SYNJ2: variants seen among roughly 807,000 people sequenced by gnomAD.
SYNJ2 encodes polyphosphatidylinositol phosphatase SYNJ2.
A neutral mutation model predicts 141.3 loss-of-function variants in SYNJ2; 116 were observed. That is an observed-to-expected ratio of 0.82 (90% CI 0.71 to 0.96). The LOEUF is 0.96. Ranked by LOEUF, SYNJ2 falls within the 40% of genes least tolerant of loss-of-function variation. SYNJ2 has a pLI of 0.00. For synonymous variants in SYNJ2, 745 were observed against 777.7 expected (o/e 0.96, Z 0.70); for missense variants, 1,873 against 1,934.8 (o/e 0.97, Z 0.60).
chr6:158,054,538 C>T (rs1780761480), intron 5 of SYNJ2, among the ~76,000 whole-genome samples: 1 of 152,170 alleles, frequency 6.6e-6, no homozygotes, highest in Non-Finnish European at 1.5e-5. Context: ...CAAATTTGAT[C>T]ATTAGGATGA....
intron 9 of SYNJ2, 144 bp from the exon 10 acceptor site, chr6:158,064,457 G>A (rs1185224737): frequency 3.4e-5 from 35 of 1,017,320 alleles, no homozygotes; most frequent in Non-Finnish European, 4.7e-5. Context: ...TCTCTGCTGT[G>A]GGAACTCCTC....
intron 12 of SYNJ2, 159 bp downstream of exon 12, chr6:158,066,794 T>C (rs1781595824): frequency 2.4e-6 from 2 of 823,732 alleles, no homozygotes; most frequent in Admixed American, 4.9e-5. Context: ...TCAAGAATGC[T>C]GCCTCGCAAG....
chr6:158,027,240 A>G lies in SYNJ2; in HGVS notation c.215-1516A>G. 2.1e-6 allele frequency: 2 copies of G among 971,428 alleles called. No individual in the cohort carries two copies. The highest frequency in any genetic ancestry group is 2.4e-6 in the Non-Finnish European group (2 of 817,252). 60.2% of individuals were successfully genotyped at this position (971,428 alleles called of 1,614,324 possible). ...TCTTCCTGGAGTGTGGAGAGATCAG[A>G]ACCATCTCCAGACCATGGCTGTAGA... is the stretch of plus-strand genomic sequence containing the variant. On this transcript the variant is annotated intron_variant, in intron 2 of 26. Coordinates refer to ENST00000355585, the MANE Select transcript of SYNJ2 (RefSeq NM_003898.4). The surrounding 1 kb of genome is among the most constrained non-coding windows in gnomAD (Gnocchi z 4.6).
chr6:157,984,674 G>T (rs1777132907), intron 1 of SYNJ2, among the ~76,000 whole-genome samples: 1 of 152,224 alleles, frequency 6.6e-6, no homozygotes, highest in East Asian at 1.9e-4. Context: ...AAAGTGCTAG[G>T]ATTACAGGCG....
At chr6:158,037,183 G>A (rs1334168532) in intron 4 of SYNJ2, among the ~76,000 whole-genome samples, 2 of 152,122 alleles carry the variant, frequency 1.3e-5, no homozygotes, top group Non-Finnish European at 2.9e-5. Flanking sequence ...CTGGAAGTCT[G>A]CAATCCAGGT....
chr6:158,053,766 C>T (rs190494807), intron 5 of SYNJ2, among the ~76,000 whole-genome samples: 1 of 151,408 alleles, frequency 6.6e-6, no homozygotes, highest in East Asian at 2.0e-4. Flanking sequence ...TCCATGCACC[C>T]ACCCATCCAC....
Position 158,095,800 on chromosome 6 carries a change from C to T in SYNJ2, c.3927C>T (p.Asp1309=), listed in dbSNP as rs751362219. 22 of 1,614,064 alleles carry T rather than the reference C, an allele frequency of 1.4e-5. No individual in the cohort carries two copies. Among genetic ancestry groups the T allele is most frequent in the Middle Eastern group, 3.3e-4 (2 of 6,084 alleles). Residue 1309 remains aspartate, a synonymous_variant, in exon 27 of 27, where the codon GAC becomes GAT. Transcript: ENST00000355585. ...CAAGCCACAGGAAGCCAGCATCAGA[C>T]GAAGCCCCTCCTGGGGCAGGAGCCT... The part of the protein sequence containing the change: ...ERPSHRKPAS[D]EAPPGAGASV...
rs1780783624 is a variant in SYNJ2, at chr6:158,054,974, C to T, written c.803C>T (p.Ser268Phe). Residue 268 changes from serine to phenylalanine, a missense_variant, in exon 6 of 27, where the codon TCC becomes TTC. Transcript: ENST00000355585. ...FWEQPGLQVG[S>F]HHLRLHRGLE... ...TACTTCTCTTTGCTTTAGGTTGGCT[C>T]CCATCATCTGAGACTCCACAGAGGC... The T allele has an allele frequency of 6.2e-7, 1 of 1,614,034 alleles. No individual in the cohort carries two copies. The highest frequency in any genetic ancestry group is 8.5e-7 in the Non-Finnish European group (1 of 1,179,990).
At position 158,071,671 on chromosome 6, in the gene SYNJ2, C is replaced by T; in HGVS notation, c.2010C>T (p.Ile670=). The change falls in exon 15 of 27, where the codon ATC becomes ATT. Residue 670 remains isoleucine (I), a synonymous_variant. Transcript: ENST00000355585. This position sits in a 1 kb window ranked among gnomAD's most constrained non-coding sequence, Gnocchi z 4.3. ...CGGGGAACAAGGGCGCCGTCGGCATCCGCTTCCAGTTCCACAGCACCAGCT... is the reference window on the plus strand; with the variant it reads ...CGGGGAACAAGGGCGCCGTCGGCATTCGCTTCCAGTTCCACAGCACCAGCT... ...GKAGNKGAVG[I]RFQFHSTSFC... is the part of the protein sequence containing the mutation. 1 of 1,614,150 alleles carries T rather than the reference C, an allele frequency of 6.2e-7. No individual in the cohort carries two copies. The highest frequency in any genetic ancestry group is 8.5e-7 in the Non-Finnish European group (1 of 1,180,040).
chr6:158,007,258 A>C (rs1012132431), intron 1 of SYNJ2, among the ~76,000 whole-genome samples: 6 of 152,156 alleles, frequency 3.9e-5, no homozygotes, highest in African/African-American at 1.4e-4. Context: ...AGGAGCCCCC[A>C]CACCCGGCCC....
rs770599260 is a variant in SYNJ2 at position 158,028,928 on chromosome 6, C to T, written c.387C>T (p.Phe129=). 1.9e-6 allele frequency: 3 copies of T among 1,614,160 alleles called. No homozygotes were observed. Among genetic ancestry groups the T allele is most frequent in the African/African-American group, 1.3e-5 (1 of 75,026 alleles). ...ALKKILSSGV[F]YFSWPNDGSR... ...AGAAAATCCTCAGCTCGGGGGTGTTCTATTTCTCATGGCCAAACGATGGGT... is the reference window on the plus strand; with the variant it reads ...AGAAAATCCTCAGCTCGGGGGTGTTTTATTTCTCATGGCCAAACGATGGGT... The change falls in exon 3 of 27, where the codon TTC becomes TTT. Residue 129 remains phenylalanine, a synonymous_variant. Transcript: ENST00000355585.
At chr6:158,086,524 G>A (rs1378468990) in intron 22 of SYNJ2, among the ~76,000 whole-genome samples, 3 of 152,218 alleles carry the variant, frequency 2.0e-5, no homozygotes, top group African/African-American at 2.4e-5. Context: ...GTGGTTGGTT[G>A]ACTCTTCAGG....
In SYNJ2 at chr6:158,071,481, G is replaced by C; in HGVS notation, c.1941-121G>C. 8.5e-7 allele frequency: 1 copy of C among 1,173,082 alleles called. No homozygotes were observed. 72.7% of individuals were successfully genotyped at this position (1,173,082 alleles called of 1,614,324 possible). A position where few individuals can be genotyped will look rare whatever the true frequency, so the allele number is the denominator to read the frequency against. ...GCCACGGTGGCCACTGTGTTGAGCTGATGATTTTGGAGCACTCAGAGCAGC... is the reference window on the plus strand; with the variant it reads ...GCCACGGTGGCCACTGTGTTGAGCTCATGATTTTGGAGCACTCAGAGCAGC... On this transcript the variant is annotated intron_variant, in intron 14 of 26. Transcript: ENST00000355585. The surrounding 1 kb of genome is among the most constrained non-coding windows in gnomAD (Gnocchi z 4.3).
chr6:158,045,544 G>T (rs1045320430), intron 5 of SYNJ2, among the ~76,000 whole-genome samples: 3 of 152,116 alleles, frequency 2.0e-5, no homozygotes, highest in Non-Finnish European at 2.9e-5. Context: ...GTGTTTTGGG[G>T]TGCGCGGGAA....
intron 13 of SYNJ2, 76 bp downstream of exon 13, chr6:158,068,804 C>G: frequency 6.5e-7 from 1 of 1,532,354 alleles, no homozygotes; most frequent in Admixed American, 1.7e-5. Flanking sequence ...GCCTCTGAGG[C>G]TCTCCGGGAG....
rs1777044210 is a variant in SYNJ2, at chr6:157,982,318, G to T, written c.127+230G>T. ...CGGAGGCCGGCCGCCCCTCCACGGGGATCTCCGGCCCGCGCCGCCAGAGGA... is the reference window on the plus strand; with the variant it reads ...CGGAGGCCGGCCGCCCCTCCACGGGTATCTCCGGCCCGCGCCGCCAGAGGA... On this transcript the variant is annotated intron_variant, in intron 1 of 26. Coordinates refer to ENST00000355585, the MANE Select transcript of SYNJ2 (RefSeq NM_003898.4). This position sits in a 1 kb window ranked among gnomAD's most constrained non-coding sequence, Gnocchi z 4.0. Among the ~76,000 whole-genome samples the T allele has an allele frequency of 6.6e-6, 1 of 152,224 alleles. No individual in the cohort carries two copies. The highest frequency in any genetic ancestry group is 6.5e-5 in the Admixed American group (1 of 15,294).
intron 1 of SYNJ2, among the ~76,000 whole-genome samples, chr6:158,016,302 T>C (rs990526850): frequency 6.6e-6 from 1 of 152,016 alleles, no homozygotes; most frequent in Non-Finnish European, 1.5e-5. Flanking sequence ...TTAGTAGAGA[T>C]AGGGTTCCGC....
chr6:158,077,890 G>C, intron 17 of SYNJ2: 1 of 229,574 alleles, frequency 4.4e-6, no homozygotes, highest in African/African-American at 2.3e-5. Flanking sequence ...CTGGAAACCC[G>C]GCAGCAACAC....
intron 14 of SYNJ2, among the ~76,000 whole-genome samples, chr6:158,069,947 G>T (rs940633714): frequency 6.6e-6 from 1 of 152,186 alleles, no homozygotes; most frequent in Non-Finnish European, 1.5e-5. Context: ...GCTCAATTCC[G>T]TGCAAGGAAA....
Sources: allele counts gnomAD v4.1 joint callset (sites outside exome capture counted in the v4.1 genomes callset), GRCh38; gene constraint gnomAD v4.1.1; non-coding constraint Gnocchi (gnomAD v3.1); transcripts MANE v1.5; gene names NCBI Gene and HGNC (gene_info 2026-07-23, HGNC 2026-07-21).